Variants in STAU2 observed in about 807,000 individuals in gnomAD.
The protein encoded by STAU2 is staufen double-stranded RNA binding protein 2.
A neutral mutation model predicts 65.9 loss-of-function variants in STAU2; 20 were observed. The ratio of observed to expected loss-of-function variants is 0.30; its 90% CI spans 0.21 to 0.44. The LOEUF (loss-of-function observed/expected upper bound fraction) is 0.44. Ranked by LOEUF, STAU2 falls within the 20% of genes least tolerant of loss-of-function variation. The pLI is 1.00. For missense variants in STAU2, 558 were observed against 683.9 expected (o/e 0.82, Z 2.05); for synonymous variants, 232 against 233.9 (o/e 0.99, Z 0.07).
At chr8:73,467,803 G>T (rs1379811377) in intron 13 of STAU2, among the ~76,000 whole-genome samples, 1 of 152,148 alleles carries the variant, frequency 6.6e-6, no homozygotes, top group Non-Finnish European at 1.5e-5. Context: ...TGAAATAAAA[G>T]AGGATACAAA....
chr8:73,435,386 T>A (rs1316240578), intron 13 of STAU2, among the ~76,000 whole-genome samples: 1 of 151,840 alleles, frequency 6.6e-6, no homozygotes, highest in Non-Finnish European at 1.5e-5. Context: ...CCTCAGCTGA[T>A]GACCCATCCA....
At chr8:73,512,610 GT>G (rs1349394586) in intron 13 of STAU2, among the ~76,000 whole-genome samples, 4 of 151,860 alleles carry the variant, frequency 2.6e-5, no homozygotes, top group Admixed American at 1.3e-4. Context: ...TATCCTGTCT[GT>G]AACTGAACTT....
intron 3 of STAU2, among the ~76,000 whole-genome samples, chr8:73,735,512 C>T (rs886757794): frequency 6.6e-6 from 1 of 152,204 alleles, no homozygotes; most frequent in East Asian, 1.9e-4. Flanking sequence ...TCTTTTGTAC[C>T]AACATAATGC....
At position 73,673,037 on chromosome 8, in the gene STAU2, T is replaced by C; in HGVS notation, c.410+70A>G. On this transcript the variant is annotated intron_variant, in intron 6 of 14. Coordinates refer to ENST00000524300, the MANE Select transcript of STAU2 (RefSeq NM_001164380.2). ...TAGATTTACAATGAAAATACTCTTT[T>C]GAGTGTGAGAAACTTTTATAACATG... The C allele has an allele frequency of 2.2e-6, 3 of 1,357,020 alleles. No homozygotes were observed. In the East Asian group the frequency reaches 7.4e-5, roughly 34 times the overall value. 84.1% of individuals were successfully genotyped at this position (1,357,020 alleles called of 1,614,324 possible).
At chr8:73,455,836 G>T (rs1236595993) in intron 13 of STAU2, among the ~76,000 whole-genome samples, 2 of 152,128 alleles carry the variant, frequency 1.3e-5, no homozygotes, top group Non-Finnish European at 2.9e-5. Context: ...TGGTCAAGGG[G>T]GGTGATGTAC....
In STAU2 at chr8:73,673,242, C is replaced by T. The variant is rs1256962491; in HGVS notation, c.275G>A (p.Gly92Asp). Reference sequence around the variant, plus strand: ...CAGTTCCACAGTTGGAGTTATACTGCCTGTTTAAAAAAAAAACATTAAAGG... The same window carrying T: ...CAGTTCCACAGTTGGAGTTATACTGTCTGTTTAAAAAAAAAACATTAAAGG... ...PPKSNVNNNP[G>D]SITPTVELNG... Residue 92 changes from glycine to aspartate, a missense_variant and splice_region_variant, in exon 6 of 15, where the codon GGC becomes GAC. By Grantham distance (94) the Gly-to-Asp change is moderately conservative (BLOSUM62 -1). Coordinates refer to ENST00000524300, the MANE Select transcript of STAU2 (RefSeq NM_001164380.2). 2 of 1,550,018 alleles carry T rather than the reference C, an allele frequency of 1.3e-6. No homozygotes were observed. Among genetic ancestry groups the T allele is most frequent in the Non-Finnish European group, 1.7e-6 (2 of 1,152,074 alleles).
intron 12 of STAU2, among the ~76,000 whole-genome samples, chr8:73,574,793 A>T (rs941754943): frequency 6.6e-6 from 1 of 152,088 alleles, no homozygotes; most frequent in Non-Finnish European, 1.5e-5. Flanking sequence ...GCATTAGGAG[A>T]TATACCTAAT....
chr8:73,677,292 T>A (rs1172905869), intron 5 of STAU2, among the ~76,000 whole-genome samples: 2 of 152,180 alleles, frequency 1.3e-5, no homozygotes, highest in African/African-American at 4.8e-5. Context: ...TGACATTCTT[T>A]GACATTATGT....
At position 73,521,605 on chromosome 8, in the gene STAU2, C is replaced by T. The variant is rs183511683; in HGVS notation, c.1530+30407G>A. Among the ~76,000 whole-genome samples, 29 of 152,298 alleles carry T rather than the reference C, an allele frequency of 1.9e-4. No individual in the cohort carries two copies. In the East Asian group the frequency reaches 2.5e-3, roughly 13 times the overall value. The stretch of plus-strand genomic sequence containing the variant: ...TGACTTTAAAATGGTGATACACATT[C>T]AGAAGGAACTGCATTTCCAATTTTG... On this transcript the variant is annotated intron_variant, in intron 13 of 14. Coordinates refer to ENST00000524300, the MANE Select transcript of STAU2 (RefSeq NM_001164380.2).
intron 5 of STAU2, among the ~76,000 whole-genome samples, chr8:73,686,598 G>A (rs1818845773): frequency 6.6e-6 from 1 of 151,652 alleles, no homozygotes; most frequent in Non-Finnish European, 1.5e-5. Flanking sequence ...AAGGTTGGGA[G>A]GGGAATGAGG....
intron 4 of STAU2, among the ~76,000 whole-genome samples, chr8:73,704,601 T>C (rs571592396): frequency 1.3e-5 from 2 of 152,206 alleles, no homozygotes; most frequent in African/African-American, 4.8e-5. Context: ...GGATGGTAAA[T>C]AAATTTATCT....
At chr8:73,422,793 T>G in intron 13 of STAU2, 91 bp from the exon 14 acceptor site, 1 of 597,428 alleles carries the variant, frequency 1.7e-6, no homozygotes, top group South Asian at 3.1e-5. Flanking sequence ...AAGACTCATT[T>G]TCATTAGTCT....
chr8:73,670,408 T>C (rs1045273530), intron 6 of STAU2: 5 of 151,480 alleles, frequency 3.3e-5, no homozygotes, highest in Non-Finnish European at 5.9e-5. Flanking sequence ...TGCCACCAAC[T>C]GCAAGTTTCC....
intron 6 of STAU2, among the ~76,000 whole-genome samples, chr8:73,631,209 T>G (rs555579097): frequency 5.9e-4 from 90 of 152,082 alleles, no homozygotes; most frequent in African/African-American, 1.9e-3. Flanking sequence ...TAAAAAATTA[T>G]CTGGGCATGG....
chr8:73,485,757 G>A (rs913112109), intron 13 of STAU2, among the ~76,000 whole-genome samples: 2 of 152,008 alleles, frequency 1.3e-5, no homozygotes, highest in East Asian at 3.9e-4. Context: ...CTACTTGAGA[G>A]CAGGAGTTTG....
At chr8:73,626,110 T>G (rs549424444) in intron 6 of STAU2, among the ~76,000 whole-genome samples, 6 of 145,208 alleles carry the variant, frequency 4.1e-5, no homozygotes, top group African/African-American at 1.6e-4. Flanking sequence ...CACAGACACA[T>G]ACACATCAAC....
intron 13 of STAU2, among the ~76,000 whole-genome samples, chr8:73,441,957 C>T (rs962426074): frequency 6.6e-6 from 1 of 151,992 alleles, no homozygotes; most frequent in African/African-American, 2.4e-5. Context: ...AACACAAATG[C>T]AAAGTCACTG....
intron 13 of STAU2, among the ~76,000 whole-genome samples, chr8:73,533,665 G>T (rs1313817726): frequency 1.3e-5 from 2 of 152,196 alleles, no homozygotes; most frequent in Admixed American, 6.5e-5. Context: ...CAAGGCCAAG[G>T]TGTGAAAACT....
intron 12 of STAU2, among the ~76,000 whole-genome samples, chr8:73,569,354 C>T (rs1471790892): frequency 6.6e-6 from 1 of 152,156 alleles, no homozygotes; most frequent in Admixed American, 6.5e-5. Flanking sequence ...AGGAGGCCTG[C>T]CCGCCTCTGT....
Sources: allele counts gnomAD v4.1 joint callset (sites outside exome capture counted in the v4.1 genomes callset), GRCh38; gene constraint gnomAD v4.1.1; transcripts MANE v1.5; gene names NCBI Gene and HGNC (gene_info 2026-07-23, HGNC 2026-07-21).